The following MCM3 variants were observed in gnomAD, a reference collection of about 807,000 sequenced individuals.
MCM3 encodes DNA replication licensing factor MCM3.
In MCM3, 59 loss-of-function variants were observed where a neutral mutation model predicts 91.3. That is an observed-to-expected ratio of 0.65 (90% confidence interval 0.52 to 0.80). The LOEUF is 0.80. MCM3 is among the 30% of genes least tolerant of loss of function. The pLI, the probability that MCM3 is intolerant of heterozygous loss-of-function variation, is 0.00. For synonymous variants in MCM3, 383 were observed against 379.6 expected, an observed-to-expected ratio of 1.01 and a Z score of -0.10; for missense variants, 919 against 1,035.4, an observed-to-expected ratio of 0.89 and a Z score of 1.54.
chr6:52,281,401 C>A (rs924826735), intron 4 of MCM3, among the ~76,000 whole-genome samples: 1 of 152,022 alleles, frequency 6.6e-6, no homozygotes, highest in African/African-American at 2.4e-5. Context: ...TGTGGCTGGG[C>A]ATGGTGGTTC....
intron 5 of MCM3, 34 bp downstream of exon 5, chr6:52,279,327 C>T: frequency 6.5e-7 from 1 of 1,531,774 alleles, no homozygotes; most frequent in Non-Finnish European, 9.0e-7. Flanking sequence ...AAGCTGTCAA[C>T]AGCATTCCAT....
intron 14 of MCM3, among the ~76,000 whole-genome samples, chr6:52,267,054 CAAG>C (rs1385504203): frequency 4.0e-5 from 6 of 150,792 alleles, no homozygotes; most frequent in Non-Finnish European, 7.4e-5. Context: ...CAAAAGCACA[CAAG>C]AAGGACTCGC....
chr6:52,280,839 T>C (rs947685413), intron 4 of MCM3, among the ~76,000 whole-genome samples: 2 of 152,250 alleles, frequency 1.3e-5, no homozygotes, highest in Admixed American at 6.5e-5. Flanking sequence ...AAGCAAATTG[T>C]TTAACTTCTC....
At position 52,277,697 on chromosome 6, in the gene MCM3, G is replaced by A. The variant is rs908365937; in HGVS notation, c.880-9C>T. On this transcript the variant is annotated splice_polypyrimidine_tract_variant and intron_variant, in intron 6 of 16. Coordinates refer to ENST00000596288, the MANE Select transcript of MCM3 (RefSeq NM_002388.6). The stretch of plus-strand genomic sequence containing the variant: ...AGCTGGTCAAAGATATCCTACAGGA[G>A]AAATAACCAATGGCAAGCCTAGTGA... The A allele has an allele frequency of 6.2e-7, 1 of 1,613,178 alleles. No individual in the cohort carries two copies. The highest frequency in any genetic ancestry group is 8.5e-7 in the Non-Finnish European group (1 of 1,179,538).
At chr6:52,275,050 C>T (rs993671481) in intron 9 of MCM3, among the ~76,000 whole-genome samples, 6 of 152,170 alleles carry the variant, frequency 3.9e-5, no homozygotes, top group African/African-American at 1.2e-4. Flanking sequence ...AGGCATGAGA[C>T]ACTGCGCCCA....
In MCM3 at chr6:52,283,372, T is replaced by A. The variant is rs756855196; in HGVS notation, c.113A>T (p.Glu38Val). 6.2e-7 allele frequency: 1 copy of A among 1,614,178 alleles called. No individual in the cohort carries two copies. The highest frequency in any genetic ancestry group is 2.2e-5 in the East Asian group (1 of 44,886). The change falls in exon 2 of 17, where the codon GAG becomes GTG. Residue 38 changes from glutamate (E) to valine (V), a missense_variant. Physicochemically the swap from Glu to Val is moderately radical, Grantham distance 121 (BLOSUM62 -2). This residue lies in a region of MCM3 where 401 missense variants were observed against 402.7 expected (regional missense o/e 1.00). Coordinates refer to ENST00000596288, the MANE Select transcript of MCM3 (RefSeq NM_002388.6). ...CCGGTATTGGTTGTCACTGATCAGC[T>A]CCCGAACTTTGCTCTGATAAATTCC... ...DQGIYQSKVRELISDNQYRLI... is the reference protein window; with the variant it reads ...DQGIYQSKVRVLISDNQYRLI...
chr6:52,266,167 G>A (rs779742856), intron 15 of MCM3, 23 bp from the exon 16 acceptor site: 1 of 1,594,102 alleles, frequency 6.3e-7, no homozygotes, highest in Non-Finnish European at 8.6e-7. Flanking sequence ...GATGGTTGTA[G>A]AGATGGGGAA....
intron 14 of MCM3, among the ~76,000 whole-genome samples, chr6:52,267,387 C>T (rs934077180): frequency 5.9e-5 from 9 of 151,812 alleles, no homozygotes; most frequent in East Asian, 2.0e-4. Flanking sequence ...TGAGCCACCG[C>T]GCCCAGCCTA....
At chr6:52,283,488 TAGC>T (rs962119947) in intron 1 of MCM3, 82 bp from the exon 2 acceptor site, 7 of 941,524 alleles carry the variant, frequency 7.4e-6, no homozygotes, top group Non-Finnish European at 1.1e-5. Context: ...CATAGCCAGA[TAGC>T]TAAGTCAATC....
intron 9 of MCM3, 123 bp from the exon 10 acceptor site, chr6:52,274,039 G>A: frequency 4.3e-6 from 3 of 700,002 alleles, no homozygotes; most frequent in South Asian, 2.0e-5. Flanking sequence ...CAGACAAAAA[G>A]CAGTGAAAAA....
chr6:52,284,715 G>C lies in MCM3; in HGVS notation c.-41C>G. 1 of 1,582,954 alleles carries C rather than the reference G, an allele frequency of 6.3e-7. No homozygotes were observed. Among genetic ancestry groups the C allele is most frequent in the Non-Finnish European group, 8.6e-7 (1 of 1,166,058 alleles). ...ACTACCTCCACCAAAGTCGCGTGGA[G>C]GTTCCCAGGATGACTCCACCCCGGC... On this transcript the variant is annotated 5_prime_UTR_variant, in exon 1 of 17. Transcript: ENST00000596288.
At chr6:52,266,795 A>G in intron 14 of MCM3, 99 bp from the exon 15 acceptor site, 3 of 901,682 alleles carry the variant, frequency 3.3e-6, no homozygotes, top group Non-Finnish European at 3.7e-6. Context: ...AAGGAAACAG[A>G]ACCACTAAGT....
At chr6:52,275,988 T>A (rs917359159) in intron 9 of MCM3, 9 of 380,438 alleles carry the variant, frequency 2.4e-5, no homozygotes, top group African/African-American at 1.8e-4. Flanking sequence ...GCCACATGCA[T>A]GTAGTCCTTT....
chr6:52,279,224 GT>G, intron 5 of MCM3, 136 bp downstream of exon 5: 1 of 717,864 alleles, frequency 1.4e-6, no homozygotes, highest in Non-Finnish European at 2.4e-6. Flanking sequence ...GGTATTGAAG[GT>G]ATCCTGTCTC....
At position 52,278,824 on chromosome 6, in the gene MCM3, T is replaced by C; in HGVS notation, c.797A>G (p.Lys266Arg). 6.2e-7 allele frequency: 1 copy of C among 1,613,752 alleles called. No individual in the cohort carries two copies. The highest frequency in any genetic ancestry group is 8.5e-7 in the Non-Finnish European group (1 of 1,179,718). ...GGGCTGAGCATCCTTGCTCATCTGC[T>C]TAACATTACAGGCAATCAGGACAGT... ...FRTVLIACNV[K>R]QMSKDAQPSF... The change falls in exon 6 of 17, where the codon AAG (lysine) becomes AGG (arginine). Residue 266 changes from lysine to arginine, a missense_variant. Lys to Arg is a conservative substitution (Grantham distance 26). Transcript: ENST00000596288.
Position 52,282,647 on chromosome 6 carries a change from A to C in MCM3, c.400+6T>G. 6.2e-7 allele frequency: 1 copy of C among 1,612,320 alleles called. No individual in the cohort carries two copies. Among genetic ancestry groups the C allele is most frequent in the Non-Finnish European group, 8.5e-7 (1 of 1,179,758 alleles). ...TTTCCTAAGCGGCCCCCTTTAACCC[A>C]CTTACATTTAGTGACAATGCCCTCC... On this transcript the variant is annotated splice_donor_region_variant and intron_variant, in intron 3 of 16. Coordinates refer to ENST00000596288, the MANE Select transcript of MCM3 (RefSeq NM_002388.6).
At position 52,266,654 on chromosome 6, in the gene MCM3, G is replaced by A. The variant is rs61752698; in HGVS notation, c.2115C>T (p.Tyr705=). 1,452 of 1,613,968 alleles carry A rather than the reference G, an allele frequency of 9.0e-4. 3 individuals are homozygous for A. The highest frequency in any genetic ancestry group is 1.0e-3 in the Non-Finnish European group (1,237 of 1,180,006). The change falls in exon 15 of 17, where the codon TAC becomes TAT. Residue 705 remains tyrosine (Y), a synonymous_variant. Coordinates refer to ENST00000596288, the MANE Select transcript of MCM3 (RefSeq NM_002388.6). ...RQPDAKDGDS[Y]DPYDFSDTEE... is the part of the protein sequence containing the mutation. ...CTGTGTCACTGAAGTCATAGGGGTCGTATGAATCCCCATCTTTGGCATCTG... is the reference window on the plus strand; with the variant it reads ...CTGTGTCACTGAAGTCATAGGGGTCATATGAATCCCCATCTTTGGCATCTG...
In MCM3 at chr6:52,279,341, C is replaced by CA. The variant is rs1318518279; in HGVS notation, c.770+19_770+20insT. 1 of 1,595,874 alleles carries CA rather than the reference C, an allele frequency of 6.3e-7. No homozygotes were observed. Among genetic ancestry groups the CA allele is most frequent in the East Asian group, 2.2e-5 (1 of 44,796 alleles). On this transcript the variant is annotated intron_variant, in intron 5 of 16. Transcript: ENST00000596288. ...GAAGCTGTCAACAGCATTCCATATA[C>CA]TTTAAGGCAGACCCTTTACCTGAAG...
intron 8 of MCM3, 150 bp from the exon 9 acceptor site, chr6:52,276,626 TGGTG>T: frequency 1.5e-6 from 1 of 663,982 alleles, no homozygotes; most frequent in South Asian, 1.9e-5. Context: ...GAGGAAACCC[TGGTG>T]GGTCACCTTT....
Sources: allele counts gnomAD v4.1 joint callset (sites outside exome capture counted in the v4.1 genomes callset), GRCh38; gene constraint gnomAD v4.1.1; regional missense constraint gnomAD v4.1.1; transcripts MANE v1.5; gene names NCBI Gene and HGNC (gene_info 2026-07-23, HGNC 2026-07-21).